TUSC3: variants seen among roughly 807,000 people sequenced by gnomAD.
The protein encoded by TUSC3 is tumor suppressor candidate 3, also known as dolichyl-diphosphooligosaccharide--protein glycosyltransferase subunit TUSC3.
TUSC3 carries 45 observed loss-of-function variants against 44.8 expected under a neutral mutation model. That is an observed-to-expected ratio of 1.00 (90% CI 0.79 to 1.29). The LOEUF is 1.29. Among genes scored for constraint, TUSC3 ranks in the 50% most tolerant of loss-of-function variants. The pLI, the probability that TUSC3 is intolerant of heterozygous loss-of-function variation, is 0.00. For synonymous variants in TUSC3, 212 were observed against 152.9 expected (o/e 1.39, Z -2.85); for missense variants, 519 against 437.9 (o/e 1.19, Z -1.65).
rs190252171 is a variant in TUSC3, at chr8:15,504,382, A to G, written n.189+20899A>G. On this transcript the variant is annotated intron_variant and non_coding_transcript_variant, in intron 2 of 5. Coordinates refer to the TUSC3 transcript ENST00000503191. ...TTAGTCCATTAAACTACTGAGTGTAATGCCTAGCACAAAATAGGCGTAAAC... is the reference window on the plus strand; with the variant it reads ...TTAGTCCATTAAACTACTGAGTGTAGTGCCTAGCACAAAATAGGCGTAAAC... Among the ~76,000 whole-genome samples, 71 of 151,954 alleles carry G rather than the reference A, an allele frequency of 4.7e-4. 1 individual carries two copies. Among genetic ancestry groups the G allele is most frequent in the African/African-American group, 1.2e-3 (50 of 41,420 alleles).
chr8:15,472,461 G>A (rs1301067270), intron 1 of TUSC3, among the ~76,000 whole-genome samples: 1 of 152,160 alleles, frequency 6.6e-6, no homozygotes, highest in African/African-American at 2.4e-5. Context: ...GAAGGTCTGA[G>A]TTTTATCTCT....
At chr8:15,585,790 A>T (rs543305605) in intron 1 of TUSC3, among the ~76,000 whole-genome samples, 1 of 152,096 alleles carries the variant, frequency 6.6e-6, no homozygotes, top group Non-Finnish European at 1.5e-5. Flanking sequence ...GTGCCTGCAG[A>T]CTGTTCTTTT....
At chr8:15,541,603 G>C (rs1801694264) in intron 1 of TUSC3, among the ~76,000 whole-genome samples, 1 of 152,000 alleles carries the variant, frequency 6.6e-6, no homozygotes, top group African/African-American at 2.4e-5. Flanking sequence ...CAAATATTGT[G>C]TGTTCAATTT....
the TUSC3 span, chr8:15,806,512 A>T: frequency 3.4e-6 from 4 of 1,161,316 alleles, no homozygotes; most frequent in Non-Finnish European, 5.2e-6. Flanking sequence ...TCTCAGGGTC[A>T]TCAGTGACTT....
intron 6 of TUSC3, among the ~76,000 whole-genome samples, chr8:15,701,994 G>C (rs942021533): frequency 1.3e-5 from 2 of 152,122 alleles, no homozygotes; most frequent in African/African-American, 2.4e-5. Flanking sequence ...TCAGTTCTCA[G>C]AGATAAGAGG....
At chr8:15,633,399 C>T (rs994691319) in intron 2 of TUSC3, among the ~76,000 whole-genome samples, 12 of 152,070 alleles carry the variant, frequency 7.9e-5, no homozygotes, top group Non-Finnish European at 1.6e-4. Context: ...AATTTCTTAC[C>T]TCCTGTTATA....
chr8:15,438,070 G>GT (rs1283818588), intron 1 of TUSC3, among the ~76,000 whole-genome samples: 3 of 152,094 alleles, frequency 2.0e-5, no homozygotes, highest in Non-Finnish European at 4.4e-5. Flanking sequence ...AGGTTGTTGT[G>GT]TTTTTTTAGC....
intron 3 of TUSC3, among the ~76,000 whole-genome samples, chr8:15,655,103 G>C (rs937820432): frequency 3.8e-4 from 58 of 152,258 alleles, no homozygotes; most frequent in African/African-American, 1.4e-3. Context: ...CTCACCCCAG[G>C]ATGTCAGGTG....
the TUSC3 span, among the ~76,000 whole-genome samples, chr8:15,838,145 T>A: frequency 0.82 from 124,258 of 152,128 alleles, 51,001 homozygotes; most frequent in Non-Finnish European, 0.85. Flanking sequence ...AGCCTTTGTC[T>A]GTGCCCTGAA....
intron 2 of TUSC3, among the ~76,000 whole-genome samples, chr8:15,631,997 G>A (rs1355201555): frequency 1.3e-5 from 2 of 152,096 alleles, no homozygotes; most frequent in Non-Finnish European, 2.9e-5. Flanking sequence ...GTGAGCCACC[G>A]TACCCGGCCA....
chr8:15,571,372 G>C (rs1217172780), intron 1 of TUSC3, among the ~76,000 whole-genome samples: 1 of 152,242 alleles, frequency 6.6e-6, no homozygotes, highest in East Asian at 1.9e-4. Context: ...TAAAGAGTTA[G>C]CAAGTTTTTT....
intron 1 of TUSC3, among the ~76,000 whole-genome samples, chr8:15,427,354 A>T (rs1799816765): frequency 6.6e-6 from 1 of 151,736 alleles, no homozygotes; most frequent in Non-Finnish European, 1.5e-5. Context: ...CCATCAGGTG[A>T]TGGACAAGCA....
At chr8:15,638,515 C>CTTTTTTTTT (rs547743726) in intron 2 of TUSC3, among the ~76,000 whole-genome samples, 52 of 81,102 alleles carry the variant, frequency 6.4e-4, no homozygotes, top group Non-Finnish European at 8.8e-4. Flanking sequence ...TTCTTTTTTT[C>CTTTTTTTTT]TTTTTTTTTT....
chr8:15,642,563 T>C (rs1295582229), intron 2 of TUSC3, among the ~76,000 whole-genome samples: 1 of 152,136 alleles, frequency 6.6e-6, no homozygotes. Context: ...ACAATAAAGG[T>C]CTTTAAAGTC....
intron 9 of TUSC3, among the ~76,000 whole-genome samples, chr8:15,756,230 C>T (rs1811923003): frequency 6.6e-6 from 1 of 152,128 alleles, no homozygotes; most frequent in East Asian, 1.9e-4. Context: ...AAGTTAGTTA[C>T]TTAACTTCCA....
Position 15,540,514 on chromosome 8 carries a change from TCTC to T in TUSC3, c.87_89del (p.Leu34del), listed in dbSNP as rs745320947. ...TGCCCACCGGGAGCTTTCCCTTCCT[TCTC>T]CTGCTGCTGCTGCTCTGCATCCAGC... On this transcript the variant is annotated inframe_deletion, in exon 1 of 11. Coordinates refer to ENST00000503731, the MANE Select transcript of TUSC3 (RefSeq NM_006765.4). The T allele has an allele frequency of 7.5e-6, 12 of 1,607,608 alleles. No homozygotes were observed. Among genetic ancestry groups the T allele is most frequent in the East Asian group, 4.5e-5 (2 of 44,396 alleles).
At chr8:15,454,293 A>G (rs944730337) in intron 1 of TUSC3, among the ~76,000 whole-genome samples, 1 of 152,184 alleles carries the variant, frequency 6.6e-6, no homozygotes, top group African/African-American at 2.4e-5. Flanking sequence ...GCTTCTTAAT[A>G]AACTTTCACT....
chr8:15,656,048 G>A (rs1807148833), intron 3 of TUSC3, among the ~76,000 whole-genome samples: 1 of 152,110 alleles, frequency 6.6e-6, no homozygotes, highest in South Asian at 2.1e-4. Context: ...CCTGAGACTG[G>A]CTAATTTATT....
chr8:15,557,701 C>T (rs1216792817), intron 1 of TUSC3, among the ~76,000 whole-genome samples: 1 of 132,098 alleles, frequency 7.6e-6, no homozygotes, highest in Non-Finnish European at 1.7e-5. Context: ...TGGTAGTTCT[C>T]CTTGAAGAGG....
Sources: allele counts gnomAD v4.1 joint callset (sites outside exome capture counted in the v4.1 genomes callset), GRCh38; gene constraint gnomAD v4.1.1; transcripts MANE v1.5; gene names NCBI Gene and HGNC (gene_info 2026-07-23, HGNC 2026-07-21).